The following ARIH1 variants were observed in gnomAD, a reference collection of about 807,000 sequenced individuals.
ARIH1 encodes E3 ubiquitin-protein ligase ARIH1.
Under a neutral mutation model 85.0 loss-of-function variants are expected in ARIH1, and 8 were observed. That is an observed-to-expected ratio of 0.09 (90% confidence interval 0.06 to 0.17). The LOEUF (loss-of-function observed/expected upper bound fraction) is 0.17, where lower values mean the gene tolerates loss of function less well. Ranked by LOEUF, ARIH1 falls within the 10% of genes least tolerant of loss-of-function variation. The pLI is 1.00. For synonymous variants in ARIH1, 238 were observed against 253.6 expected (o/e 0.94, Z 0.59); for missense variants, 311 against 718.1 (o/e 0.43, Z 6.48).
At position 72,591,322 on chromosome 15, in the gene ARIH1, T is replaced by C. The variant is rs1365686147; in HGVS notation, c.*8030T>C. 1 of 152,022 alleles carries C rather than the reference T, an allele frequency of 6.6e-6. No homozygotes were observed. The highest frequency in any genetic ancestry group is 1.5e-5 in the Non-Finnish European group (1 of 68,014). The allele number at this position is 152,022 out of a possible 1,614,324, so 9.4% of individuals were successfully genotyped here. ...CAGAAAGCTTTTTAGGCTGAAAACGTTTCTATAGATTTTGGATTTCCTTCT... is the reference window on the plus strand; with the variant it reads ...CAGAAAGCTTTTTAGGCTGAAAACGCTTCTATAGATTTTGGATTTCCTTCT... On this transcript the variant is annotated 3_prime_UTR_variant, in exon 14 of 14. Coordinates refer to ENST00000379887, the MANE Select transcript of ARIH1 (RefSeq NM_005744.5).
chr15:72,567,222 G>C, intron 9 of ARIH1, 45 bp downstream of exon 9: 1 of 1,507,450 alleles, frequency 6.6e-7, no homozygotes, highest in East Asian at 2.4e-5. Flanking sequence ...AAATGATAAG[G>C]ATTGGTACTT....
intron 1 of ARIH1, among the ~76,000 whole-genome samples, chr15:72,511,696 A>G (rs988393986): frequency 6.6e-6 from 1 of 152,176 alleles, no homozygotes; most frequent in Non-Finnish European, 1.5e-5. Flanking sequence ...GCATAGCCAC[A>G]TACATAGTCA....
intron 2 of ARIH1, among the ~76,000 whole-genome samples, chr15:72,538,555 C>G (rs1217386648): frequency 6.6e-6 from 1 of 152,220 alleles, no homozygotes; most frequent in Admixed American, 6.5e-5. Flanking sequence ...AGTGATGCCA[C>G]AGTCACTCAG....
At position 72,601,958 on chromosome 15, in the gene ARIH1, C is replaced by T. The variant is rs1345903617; in HGVS notation, c.*18666C>T. On this transcript the variant is annotated 3_prime_UTR_variant, in exon 14 of 14. Coordinates refer to ENST00000379887, the MANE Select transcript of ARIH1 (RefSeq NM_005744.5). ...TTTTGCCTTTTTATTAATACAGATA[C>T]TATATGCATTTTCTGCACTTTATCT... 6.6e-6 allele frequency: 1 copy of T among 152,066 alleles called. No individual in the cohort carries two copies. The highest frequency in any genetic ancestry group is 1.5e-5 in the Non-Finnish European group (1 of 68,024). 9.4% of individuals were successfully genotyped at this position (152,066 alleles called of 1,614,324 possible).
chr15:72,532,196 G>A (rs1192310552), intron 2 of ARIH1, among the ~76,000 whole-genome samples: 1 of 149,380 alleles, frequency 6.7e-6, no homozygotes, highest in Non-Finnish European at 1.5e-5. Flanking sequence ...TGATAACGTT[G>A]ACACTTTGAT....
chr15:72,518,429 G>C (rs2063984543), intron 2 of ARIH1, among the ~76,000 whole-genome samples: 2 of 152,060 alleles, frequency 1.3e-5, no homozygotes, highest in Non-Finnish European at 2.9e-5. Context: ...AAAGCAGGTA[G>C]AGAAAAAAAG....
At chr15:72,522,382 TGG>T (rs1567345995) in intron 2 of ARIH1, among the ~76,000 whole-genome samples, 2 of 152,082 alleles carry the variant, frequency 1.3e-5, no homozygotes, top group Non-Finnish European at 2.9e-5. Flanking sequence ...GGCGTGGTGA[TGG>T]ACACCTGTTA....
chr15:72,504,394 G>A (rs1212835068), intron 1 of ARIH1, among the ~76,000 whole-genome samples: 1 of 152,120 alleles, frequency 6.6e-6, no homozygotes, highest in Non-Finnish European at 1.5e-5. Flanking sequence ...TGGGTCCCAA[G>A]TTCTTGTCTG....
intron 1 of ARIH1, among the ~76,000 whole-genome samples, chr15:72,492,791 C>T (rs2063864749): frequency 6.6e-6 from 1 of 152,092 alleles, no homozygotes; most frequent in Admixed American, 6.5e-5. Context: ...GCATTCCACC[C>T]AGCTATAAAG....
chr15:72,500,658 G>A (rs1274292510), intron 1 of ARIH1, among the ~76,000 whole-genome samples: 1 of 152,198 alleles, frequency 6.6e-6, no homozygotes, highest in East Asian at 1.9e-4. Flanking sequence ...ATTGAGAGGT[G>A]CATGTAGCGT....
intron 11 of ARIH1, among the ~76,000 whole-genome samples, chr15:72,577,772 A>G (rs941514379): frequency 2.0e-5 from 3 of 152,162 alleles, no homozygotes; most frequent in Non-Finnish European, 2.9e-5. Flanking sequence ...TGGTTTTGCT[A>G]TATCTCAGGT....
At chr15:72,577,700 C>T (rs558186616) in intron 11 of ARIH1, among the ~76,000 whole-genome samples, 4 of 151,718 alleles carry the variant, frequency 2.6e-5, no homozygotes, top group South Asian at 2.1e-4. Flanking sequence ...AACAAAAAAA[C>T]GGATCATCAT....
At chr15:72,496,879 A>G (rs1201454891) in intron 1 of ARIH1, 5 of 985,092 alleles carry the variant, frequency 5.1e-6, no homozygotes, top group East Asian at 1.1e-4. Context: ...ATCATTCCAA[A>G]GACAAGTCAT....
chr15:72,528,648 GT>G (rs2140416285), intron 2 of ARIH1, among the ~76,000 whole-genome samples: 1 of 152,210 alleles, frequency 6.6e-6, no homozygotes, highest in Admixed American at 6.5e-5. Context: ...GAGCGTAGGA[GT>G]TTGAGACTAG....
intron 1 of ARIH1, among the ~76,000 whole-genome samples, chr15:72,493,183 T>G (rs2063866247): frequency 6.6e-6 from 1 of 152,166 alleles, no homozygotes; most frequent in Non-Finnish European, 1.5e-5. Flanking sequence ...CTAACCCTTC[T>G]CATGATAGCG....
chr15:72,478,708 T>G (rs2063803830), intron 1 of ARIH1, among the ~76,000 whole-genome samples: 1 of 152,210 alleles, frequency 6.6e-6, no homozygotes, highest in Non-Finnish European at 1.5e-5. Context: ...TCTCTGTATT[T>G]TAGCCTTCTA....
At chr15:72,568,204 C>T (rs1394723100) in intron 9 of ARIH1, among the ~76,000 whole-genome samples, 1 of 152,048 alleles carries the variant, frequency 6.6e-6, no homozygotes, top group Non-Finnish European at 1.5e-5. Flanking sequence ...TCAAAGAAAA[C>T]CTTACTATAA....
chr15:72,527,896 C>T (rs902175233), intron 2 of ARIH1, among the ~76,000 whole-genome samples: 8 of 152,188 alleles, frequency 5.3e-5, no homozygotes, highest in Non-Finnish European at 1.0e-4. Flanking sequence ...ACACATAACG[C>T]AGTTCCTAAT....
In ARIH1 at chr15:72,584,176, G is replaced by T. The variant is rs978434680; in HGVS notation, c.*884G>T. ...TTGGTATGTCTGTTGCCGGCCATGG[G>T]CCTCATGCCTTGAATTCCTGCTCTT... is the stretch of plus-strand genomic sequence containing the variant. On this transcript the variant is annotated 3_prime_UTR_variant, in exon 14 of 14. Transcript: ENST00000379887. 1 of 152,190 alleles carries T rather than the reference G, an allele frequency of 6.6e-6. No homozygotes were observed. Among genetic ancestry groups the T allele is most frequent in the Non-Finnish European group, 1.5e-5 (1 of 68,072 alleles). 9.4% of individuals were successfully genotyped at this position (152,190 alleles called of 1,614,324 possible).
Sources: allele counts gnomAD v4.1 joint callset (sites outside exome capture counted in the v4.1 genomes callset), GRCh38; gene constraint gnomAD v4.1.1; transcripts MANE v1.5; gene names NCBI Gene and HGNC (gene_info 2026-07-23, HGNC 2026-07-21).